The following EPHA6 variants were observed in gnomAD, a reference collection of about 807,000 sequenced individuals.
EPHA6 encodes ephrin type-A receptor 6.
Under a neutral mutation model 112.0 loss-of-function variants are expected in EPHA6, and 50 were observed. The observed-to-expected ratio is 0.45, with a 90% CI of 0.36 to 0.56. The LOEUF (loss-of-function observed/expected upper bound fraction) is 0.56, where lower values mean the gene tolerates loss of function less well. Among genes scored for constraint, EPHA6 ranks in the 20% least tolerant of loss-of-function variants. The pLI is 0.00. For synonymous variants in EPHA6, 529 were observed against 490.7 expected (o/e 1.08, Z -1.03); for missense variants, 1,280 against 1,417.4 (o/e 0.90, Z 1.56).
intron 7 of EPHA6, among the ~76,000 whole-genome samples, chr3:97,470,350 C>T (rs1475066426): frequency 6.6e-6 from 1 of 151,664 alleles, no homozygotes; most frequent in Non-Finnish European, 1.5e-5. Context: ...TTTCACTGAG[C>T]AGCATTTTTT....
intron 5 of EPHA6, among the ~76,000 whole-genome samples, chr3:97,293,634 C>T (rs1188497294): frequency 1.3e-5 from 2 of 152,218 alleles, no homozygotes; most frequent in African/African-American, 4.8e-5. Context: ...CTGATGGATC[C>T]ATGAGTGGCC....
intron 14 of EPHA6, among the ~76,000 whole-genome samples, chr3:97,680,769 G>C (rs1333619569): frequency 1.3e-5 from 2 of 152,134 alleles, no homozygotes; most frequent in Non-Finnish European, 2.9e-5. Flanking sequence ...TGAATGTTGG[G>C]ACTTGGAAAT....
At chr3:97,074,353 T>A (rs2046451580) in intron 3 of EPHA6, among the ~76,000 whole-genome samples, 1 of 151,996 alleles carries the variant, frequency 6.6e-6, no homozygotes, top group African/African-American at 2.4e-5. Context: ...ATTTACTCTT[T>A]AAAATTTGGC....
chr3:97,002,758 C>T (rs190093471), intron 3 of EPHA6, among the ~76,000 whole-genome samples: 37 of 151,918 alleles, frequency 2.4e-4, no homozygotes, highest in Admixed American at 5.9e-4. Flanking sequence ...TCAGCAAAAA[C>T]GGTGCTCATT....
chr3:96,867,219 G>A (rs898795297), intron 2 of EPHA6, among the ~76,000 whole-genome samples: 7 of 151,518 alleles, frequency 4.6e-5, no homozygotes, highest in Non-Finnish European at 7.4e-5. Flanking sequence ...TGATAACCTC[G>A]ATGAGTATTT....
At chr3:97,501,645 A>G (rs2092119869) in intron 10 of EPHA6, among the ~76,000 whole-genome samples, 1 of 152,076 alleles carries the variant, frequency 6.6e-6, no homozygotes, top group African/African-American at 2.4e-5. Context: ...TAATAGTGAA[A>G]AAAACTACAT....
At chr3:97,563,508 A>T (rs2093220391) in intron 11 of EPHA6, among the ~76,000 whole-genome samples, 2 of 152,326 alleles carry the variant, frequency 1.3e-5, no homozygotes, top group South Asian at 4.1e-4. Context: ...GTAAAATTTT[A>T]TCCCAGGGGT....
chr3:97,189,551 T>C (rs2077245335), intron 3 of EPHA6, among the ~76,000 whole-genome samples: 1 of 152,224 alleles, frequency 6.6e-6, no homozygotes, highest in Non-Finnish European at 1.5e-5. Flanking sequence ...ATGGGTAAAG[T>C]GCAGTGCAAC....
chr3:97,187,225 G>A (rs1451548397), intron 3 of EPHA6, among the ~76,000 whole-genome samples: 1 of 151,958 alleles, frequency 6.6e-6, no homozygotes, highest in East Asian at 1.9e-4. Context: ...TTTTTCTGAG[G>A]CAAAAGAAAA....
chr3:97,125,962 C>T (rs1201747537), intron 3 of EPHA6, among the ~76,000 whole-genome samples: 4 of 152,162 alleles, frequency 2.6e-5, no homozygotes, highest in Admixed American at 2.0e-4. Context: ...ATCAGAGGCA[C>T]ACATCCCACT....
At chr3:97,223,026 C>G (rs1474135569) in intron 3 of EPHA6, among the ~76,000 whole-genome samples, 1 of 152,122 alleles carries the variant, frequency 6.6e-6, no homozygotes, top group Non-Finnish European at 1.5e-5. Flanking sequence ...GGTAGAGATA[C>G]AGTGAATAGA....
chr3:97,212,365 T>C (rs1358509559), intron 3 of EPHA6, among the ~76,000 whole-genome samples: 1 of 152,122 alleles, frequency 6.6e-6, no homozygotes, highest in Non-Finnish European at 1.5e-5. Flanking sequence ...TGTTGGAACA[T>C]TTAAAGGGTG....
intron 14 of EPHA6, among the ~76,000 whole-genome samples, chr3:97,647,886 A>C (rs941138962): frequency 1.3e-5 from 2 of 152,104 alleles, no homozygotes; most frequent in Admixed American, 6.6e-5. Flanking sequence ...CAATTATGGA[A>C]ATGAGATCCT....
At chr3:97,183,171 C>T (rs2077036887) in intron 3 of EPHA6, among the ~76,000 whole-genome samples, 1 of 151,854 alleles carries the variant, frequency 6.6e-6, no homozygotes, top group Non-Finnish European at 1.5e-5. Context: ...TTTTCATGTG[C>T]CCTAAGTAGT....
intron 3 of EPHA6, among the ~76,000 whole-genome samples, chr3:97,027,881 A>G (rs1251571792): frequency 1.3e-5 from 2 of 152,152 alleles, no homozygotes. Context: ...TTAATCAAGA[A>G]TGATATGCAA....
intron 11 of EPHA6, among the ~76,000 whole-genome samples, chr3:97,564,322 G>T (rs920309759): frequency 2.6e-5 from 4 of 152,068 alleles, no homozygotes; most frequent in African/African-American, 4.8e-5. Flanking sequence ...CCTTTTCATT[G>T]TTGTTTAATA....
At chr3:96,963,868 A>G (rs1165871890) in intron 2 of EPHA6, among the ~76,000 whole-genome samples, 2 of 152,090 alleles carry the variant, frequency 1.3e-5, no homozygotes, top group African/African-American at 4.8e-5. Context: ...CCTATTCTTC[A>G]ATTTGCCACA....
chr3:97,017,395 C>A (rs1244643211), intron 3 of EPHA6, among the ~76,000 whole-genome samples: 1 of 152,148 alleles, frequency 6.6e-6, no homozygotes, highest in East Asian at 1.9e-4. Context: ...TGATGCCAAC[C>A]CTCAGAAGGA....
At chr3:97,581,550 TG>T (rs2093437952) in intron 11 of EPHA6, among the ~76,000 whole-genome samples, 2 of 152,204 alleles carry the variant, frequency 1.3e-5, no homozygotes, top group Admixed American at 1.3e-4. Context: ...ATTTTACACA[TG>T]ATAGAGAGAA....
Sources: gnomAD v4.1 joint callset for allele counts (sites outside exome capture counted in the v4.1 genomes callset) on GRCh38, gnomAD v4.1.1 for gene constraint, MANE v1.5 for transcripts, NCBI Gene and HGNC (gene_info 2026-07-23, HGNC 2026-07-21) for gene names.